DHRS4L2: variants seen among roughly 807,000 people sequenced by gnomAD.
DHRS4L2 encodes the protein dehydrogenase/reductase 4 like 2.
A neutral mutation model predicts 23.9 loss-of-function variants in DHRS4L2; 22 were observed. That is an observed-to-expected ratio of 0.92 (90% confidence interval 0.66 to 1.31). The LOEUF (loss-of-function observed/expected upper bound fraction) is 1.31, where lower values mean the gene tolerates loss of function less well. DHRS4L2 is among the 40% of genes most tolerant of loss of function. The probability of loss-of-function intolerance (pLI) is 0.00; values close to 1 mark genes in which losing one functional copy is unlikely to be tolerated. For missense variants in DHRS4L2, 385 were observed against 303.3 expected, an observed-to-expected ratio of 1.27 and a Z score of -2.00; for synonymous variants, 141 against 123.7, an observed-to-expected ratio of 1.14 and a Z score of -0.93.
chr14:23,996,119 TG>T (rs1428266352), intron 3 of DHRS4L2, among the ~76,000 whole-genome samples: 2 of 151,630 alleles, frequency 1.3e-5, no homozygotes, highest in Non-Finnish European at 2.9e-5. Context: ...CAACTAGTTC[TG>T]GCATGAAATA....
In DHRS4L2 at chr14:23,973,134, A is replaced by T. The variant is rs1199502158; in HGVS notation, c.-176+2802A>T. Among the ~76,000 whole-genome samples, 10 of 152,046 alleles carry T rather than the reference A, an allele frequency of 6.6e-5. 1 individual carries two copies. Among genetic ancestry groups the T allele is most frequent in the Non-Finnish European group, 1.2e-4 (8 of 67,982 alleles). ...GGCTTTCCTCTTTTACTAATCCACC[A>T]GAGCACAGACCCTTTATGGGTGTCA... is the stretch of plus-strand genomic sequence containing the variant. On this transcript the variant is annotated intron_variant, in intron 1 of 5. Transcript: ENST00000534993.
chr14:23,970,638 G>A (rs1400596250), intron 1 of DHRS4L2, among the ~76,000 whole-genome samples: 2 of 152,054 alleles, frequency 1.3e-5, no homozygotes, highest in Non-Finnish European at 2.9e-5. Context: ...CACGGAGTTC[G>A]TGCTCCGATA....
intron 1 of DHRS4L2, among the ~76,000 whole-genome samples, chr14:23,971,610 T>C (rs2033859045): frequency 6.6e-6 from 1 of 152,026 alleles, no homozygotes; most frequent in Non-Finnish European, 1.5e-5. Context: ...GGGAAGCCCA[T>C]CAGACTAACA....
rs778436165 is a variant in DHRS4L2 at position 23,988,960 on chromosome 14, A to C, written c.13A>C (p.Arg5=). 3.7e-6 allele frequency: 6 copies of C among 1,612,108 alleles called. No homozygotes were observed. The highest frequency in any genetic ancestry group is 1.7e-4 in the Middle Eastern group (1 of 6,056). Residue 5 remains arginine, a synonymous_variant, in exon 1 of 8, where the codon AGG becomes CGG. Transcript: ENST00000335125. The part of the protein sequence containing the change: MQMA[R]LLGLCAWARK... ...GCTGGTCTGATCCATGCAGATGGCC[A>C]GGCTGCTAGGCCTCTGTGCCTGGGC...
chr14:23,982,369 C>T (rs2034070415), intron 1 of DHRS4L2, among the ~76,000 whole-genome samples: 2 of 151,646 alleles, frequency 1.3e-5, no homozygotes, highest in African/African-American at 4.8e-5. Flanking sequence ...GCTAAAGTTA[C>T]AGATTAACAG....
chr14:23,985,841 A>C (rs2034130738), upstream of DHRS4L2, among the ~76,000 whole-genome samples: 1 of 151,498 alleles, frequency 6.6e-6, no homozygotes, highest in South Asian at 2.1e-4. Flanking sequence ...CAGCCTCCTG[A>C]GTAGCTGGGA....
At position 24,005,811 on chromosome 14, in the gene DHRS4L2, A is replaced by T. The variant is rs1374696508; in HGVS notation, c.*23-75A>T. The T allele has an allele frequency of 4.4e-5, 70 of 1,573,828 alleles. 1 individual carries two copies. The highest frequency in any genetic ancestry group is 1.2e-5 in the South Asian group (1 of 85,884). On this transcript the variant is annotated intron_variant, in intron 7 of 7. Coordinates refer to ENST00000335125, the MANE Select transcript of DHRS4L2 (RefSeq NM_198083.4). ...TGATAATTCTTGATTAAGCAAATTT[A>T]ACTCCCCGTGTCCCAGGTGAGGGAG...
At chr14:23,985,321 A>T (rs2034120584), upstream of DHRS4L2, among the ~76,000 whole-genome samples, 1 of 151,612 alleles carries the variant, frequency 6.6e-6, no homozygotes, top group Non-Finnish European at 1.5e-5. Flanking sequence ...AGCACTTAAC[A>T]CTTGCCAGCA....
intron 1 of DHRS4L2, among the ~76,000 whole-genome samples, chr14:23,978,193 C>T (rs2034003057): frequency 6.6e-6 from 1 of 151,154 alleles, no homozygotes; most frequent in Non-Finnish European, 1.5e-5. Context: ...TGTATTTGTA[C>T]CAAACACACA....
At chr14:23,993,839 C>G (rs968607567) in intron 2 of DHRS4L2, among the ~76,000 whole-genome samples, 3 of 151,604 alleles carry the variant, frequency 2.0e-5, no homozygotes, top group Non-Finnish European at 4.4e-5. Flanking sequence ...TCCTGGGCAG[C>G]TGGTTTACTA....
At position 24,001,365 on chromosome 14, in the gene DHRS4L2, C is replaced by T; in HGVS notation, c.532-19C>T. 1 of 1,601,538 alleles carries T rather than the reference C, an allele frequency of 6.2e-7. No homozygotes were observed. Among genetic ancestry groups the T allele is most frequent in the Non-Finnish European group, 8.5e-7 (1 of 1,177,012 alleles). On this transcript the variant is annotated intron_variant, in intron 5 of 7. Transcript: ENST00000335125. The stretch of plus-strand genomic sequence containing the variant: ...TGACCTGGAAACTATGAGTCTAACA[C>T]ATTCTCTTCTTTCTCCAGGGCTTCA...
chr14:23,984,805 CAA>C (rs568852943), upstream of DHRS4L2, among the ~76,000 whole-genome samples: 12 of 67,480 alleles, frequency 1.8e-4, no homozygotes, highest in Non-Finnish European at 1.4e-4. Context: ...GATGCCATCT[CAA>C]AAAAAAAAAA....
intron 1 of DHRS4L2, among the ~76,000 whole-genome samples, chr14:23,981,610 A>C (rs1234984369): frequency 6.6e-6 from 1 of 151,596 alleles, no homozygotes; most frequent in Admixed American, 6.6e-5. Flanking sequence ...GGCCCAGGGG[A>C]CTGGCACTCA....
chr14:23,995,735 T>C (rs1377469560), intron 3 of DHRS4L2, among the ~76,000 whole-genome samples: 2 of 151,884 alleles, frequency 1.3e-5, no homozygotes, highest in African/African-American at 4.8e-5. Flanking sequence ...AATTACATTA[T>C]ATTCATAATA....
upstream of DHRS4L2, chr14:23,987,252 T>G: frequency 3.0e-6 from 1 of 338,034 alleles, no homozygotes; most frequent in Non-Finnish European, 5.9e-6. Context: ...TGCCTCAGCC[T>G]CCCGAGTAGC....
exon 1 of DHRS4L2, chr14:23,970,183 C>G: frequency 2.2e-6 from 1 of 455,370 alleles, no homozygotes; most frequent in Non-Finnish European, 4.4e-6. Context: ...GGTAGCATCC[C>G]AGATCCAGCA....
rs770433652 is a variant in DHRS4L2 at position 23,990,233 on chromosome 14, C to G, written c.180C>G (p.Val60=). The change falls in exon 2 of 8, where the codon GTC becomes GTG. Residue 60 remains valine (V), a synonymous_variant. Coordinates refer to ENST00000335125, the MANE Select transcript of DHRS4L2 (RefSeq NM_198083.4). ...TGGCCCAGGACAGGGCCCACGTGGT[C>G]GTCAGCAGCCGGAAGCAGCAGAATG... is the stretch of plus-strand genomic sequence containing the variant. ...RRLAQDRAHV[V]VSSRKQQNVD... The G allele has an allele frequency of 6.2e-7, 1 of 1,612,800 alleles. No homozygotes were observed. The highest frequency in any genetic ancestry group is 1.1e-5 in the South Asian group (1 of 90,920).
upstream of DHRS4L2, among the ~76,000 whole-genome samples, chr14:23,984,656 G>A (rs568124309): frequency 6.6e-6 from 1 of 151,046 alleles, no homozygotes; most frequent in East Asian, 1.9e-4. Context: ...TTAGCTGAGC[G>A]AGGTGTTGTG....
chr14:23,985,166 A>G (rs966193695), upstream of DHRS4L2, among the ~76,000 whole-genome samples: 2 of 151,528 alleles, frequency 1.3e-5, no homozygotes, highest in Admixed American at 6.6e-5. Flanking sequence ...GTTTGCCCAC[A>G]TTTTGCAATC....
Sources: allele counts gnomAD v4.1 joint callset (sites outside exome capture counted in the v4.1 genomes callset), GRCh38; gene constraint gnomAD v4.1.1; transcripts MANE v1.5; gene names NCBI Gene and HGNC (gene_info 2026-07-23, HGNC 2026-07-21).